SHROOM3: variants seen among roughly 807,000 people sequenced by gnomAD.
SHROOM3 encodes protein Shroom3.
A neutral mutation model predicts 138.6 loss-of-function variants in SHROOM3; 47 were observed. The ratio of observed to expected loss-of-function variants is 0.34; its 90% CI spans 0.27 to 0.43. SHROOM3 has a LOEUF of 0.43. SHROOM3 is among the 20% of genes least tolerant of loss of function. SHROOM3 has a pLI of 1.00. For missense variants in SHROOM3, 2,491 were observed against 2,596.5 expected (o/e 0.96, Z 0.88); for synonymous variants, 1,062 against 1,063.3 (o/e 1.00, Z 0.02).
chr4:76,730,526 C>T (rs553890034), intron 3 of SHROOM3, among the ~76,000 whole-genome samples: 4 of 152,174 alleles, frequency 2.6e-5, no homozygotes, highest in African/African-American at 9.6e-5. Context: ...GAAGTCTAGG[C>T]GAAGTTTATG....
intron 1 of SHROOM3, among the ~76,000 whole-genome samples, chr4:76,550,183 C>G (rs1264724826): frequency 6.6e-6 from 1 of 152,092 alleles, no homozygotes; most frequent in African/African-American, 2.4e-5. Flanking sequence ...TAAAAGTATA[C>G]TAGAATATAA....
intron 1 of SHROOM3, among the ~76,000 whole-genome samples, chr4:76,535,205 C>T (rs566364865): frequency 2.4e-4 from 37 of 152,098 alleles, no homozygotes; most frequent in Non-Finnish European, 4.3e-4. Context: ...GTTTTGTATC[C>T]GCTAGGCCTA....
At chr4:76,438,107 T>C (rs1730596958) in intron 1 of SHROOM3, among the ~76,000 whole-genome samples, 1 of 152,212 alleles carries the variant, frequency 6.6e-6, no homozygotes, top group African/African-American at 2.4e-5. Flanking sequence ...ACATGTGTAG[T>C]AGGAGACAGG....
chr4:76,480,972 C>G (rs908914240), intron 1 of SHROOM3, among the ~76,000 whole-genome samples: 1 of 152,160 alleles, frequency 6.6e-6, no homozygotes, highest in Non-Finnish European at 1.5e-5. Flanking sequence ...CTCTGGGACA[C>G]AGCTAAAGCC....
intron 2 of SHROOM3, among the ~76,000 whole-genome samples, chr4:76,665,382 G>T (rs147495028): frequency 3.0e-4 from 46 of 152,254 alleles, no homozygotes; most frequent in Middle Eastern, 3.4e-3. Context: ...AGTTGAGGGT[G>T]GGGCACCTGG....
chr4:76,683,377 C>T (rs546450254), intron 2 of SHROOM3, among the ~76,000 whole-genome samples: 4 of 152,092 alleles, frequency 2.6e-5, no homozygotes, highest in South Asian at 2.1e-4. Context: ...TTTGTGTTCT[C>T]GCACAAATTC....
At chr4:76,737,580 C>T (rs1224835698) in intron 4 of SHROOM3, among the ~76,000 whole-genome samples, 2 of 152,176 alleles carry the variant, frequency 1.3e-5, no homozygotes, top group African/African-American at 2.4e-5. Flanking sequence ...TCCCCATCCT[C>T]ACCAGCATTT....
intron 1 of SHROOM3, among the ~76,000 whole-genome samples, chr4:76,441,098 T>TTTTTTG: frequency 7.3e-6 from 1 of 136,436 alleles, no homozygotes; most frequent in Non-Finnish European, 1.6e-5. Context: ...TTTTTTTTTT[T>TTTTTTG]TTTTTTTTTG....
intron 2 of SHROOM3, among the ~76,000 whole-genome samples, chr4:76,704,942 C>G (rs1720007274): frequency 6.6e-6 from 1 of 152,204 alleles, no homozygotes; most frequent in Admixed American, 6.5e-5. Flanking sequence ...TCCTCCATCT[C>G]ACCCTCCCCT....
chr4:76,476,979 A>T (rs1398581040), intron 1 of SHROOM3, among the ~76,000 whole-genome samples: 1 of 152,026 alleles, frequency 6.6e-6, no homozygotes, highest in Non-Finnish European at 1.5e-5. Context: ...TAATTTATTT[A>T]TTTTTTGAGA....
At chr4:76,722,671 A>C (rs982556005) in intron 3 of SHROOM3, among the ~76,000 whole-genome samples, 3 of 152,148 alleles carry the variant, frequency 2.0e-5, no homozygotes, top group African/African-American at 7.2e-5. Context: ...TAAAAAAAAA[A>C]CCAGTGCTTT....
rs116184826 is a variant in SHROOM3, at chr4:76,664,294, G to A, written c.324-45862G>A. ...GAAGTCAAAGAGTTTGCCTAGAAAA[G>A]CCACTTTCTCATCTAAAGAGCTTAC... On this transcript the variant is annotated intron_variant, in intron 2 of 10. Coordinates refer to ENST00000296043, the MANE Select transcript of SHROOM3 (RefSeq NM_020859.4). The surrounding 1 kb of genome is among the most constrained non-coding windows in gnomAD (Gnocchi z 4.2). 3.9e-3 allele frequency among the ~76,000 whole-genome samples: 595 copies of A among 152,320 alleles called. 6 individuals carry two copies. The highest frequency in any genetic ancestry group is 0.013 in the African/African-American group (548 of 41,578).
intron 1 of SHROOM3, among the ~76,000 whole-genome samples, chr4:76,537,495 T>G (rs1404711901): frequency 6.6e-6 from 1 of 152,100 alleles, no homozygotes. Flanking sequence ...AGGGCAAGGA[T>G]GTGGAATGAG....
intron 2 of SHROOM3, among the ~76,000 whole-genome samples, chr4:76,667,000 C>T (rs1252081608): frequency 6.6e-6 from 1 of 152,152 alleles, no homozygotes; most frequent in Non-Finnish European, 1.5e-5. Context: ...TGTAATTCCA[C>T]TTATACAAGT....
intron 2 of SHROOM3, among the ~76,000 whole-genome samples, chr4:76,672,361 A>T (rs571518865): frequency 6.6e-6 from 1 of 151,668 alleles, no homozygotes; most frequent in South Asian, 2.1e-4. Context: ...CATATATCTT[A>T]AATGTTTTAA....
intron 2 of SHROOM3, among the ~76,000 whole-genome samples, chr4:76,707,896 C>T (rs1720103983): frequency 6.6e-6 from 1 of 152,006 alleles, no homozygotes; most frequent in Non-Finnish European, 1.5e-5. Flanking sequence ...TTCTAGCACT[C>T]TCTCCAGCCT....
chr4:76,741,798 C>A lies in SHROOM3; in HGVS notation c.3625C>A (p.Pro1209Thr), dbSNP rs1578010293. Residue 1209 changes from proline to threonine, a missense_variant, in exon 5 of 11, where the codon CCA (proline) becomes ACA (threonine). By Grantham distance (38) the Pro-to-Thr change is conservative. Around this residue, in one of 4 missense-constraint regions of SHROOM3, gnomAD observed 1,733 missense variants for 1,661.6 expected, o/e 1.04. Coordinates refer to ENST00000296043, the MANE Select transcript of SHROOM3 (RefSeq NM_020859.4). This position sits in a 1 kb window ranked among gnomAD's most constrained non-coding sequence, Gnocchi z 6.2. ...TQRGDETPRE[P>T]SSWGARAGKS... The stretch of plus-strand genomic sequence containing the variant: ...GAGAGGGGATGAGACCCCCAGGGAG[C>A]CATCCTCCTGGGGGGCCAGGGCCGG... 1 of 1,582,860 alleles carries A rather than the reference C, an allele frequency of 6.3e-7. No individual in the cohort carries two copies. The highest frequency in any genetic ancestry group is 2.3e-5 in the East Asian group (1 of 43,532).
chr4:76,671,310 T>C (rs780908536), intron 2 of SHROOM3, among the ~76,000 whole-genome samples: 1 of 152,212 alleles, frequency 6.6e-6, no homozygotes, highest in Non-Finnish European at 1.5e-5. Flanking sequence ...ATAGTGATCC[T>C]TCAAGAATGC....
intron 1 of SHROOM3, among the ~76,000 whole-genome samples, chr4:76,491,566 T>TCA (rs1731850325): frequency 6.6e-6 from 1 of 152,196 alleles, no homozygotes; most frequent in Non-Finnish European, 1.5e-5. Flanking sequence ...CTCTTCCTGC[T>TCA]TTGGGTTTCA....
Sources: allele counts gnomAD v4.1 joint callset (sites outside exome capture counted in the v4.1 genomes callset), GRCh38; gene constraint gnomAD v4.1.1; regional missense constraint gnomAD v4.1.1; non-coding constraint Gnocchi (gnomAD v3.1); transcripts MANE v1.5; gene names NCBI Gene and HGNC (gene_info 2026-07-23, HGNC 2026-07-21).